MCTP1: variants seen among roughly 807,000 people sequenced by gnomAD.
MCTP1 encodes the protein multiple C2 and transmembrane domain-containing protein 1.
In MCTP1, 69 loss-of-function variants were observed where a neutral mutation model predicts 120.6. The ratio of observed to expected loss-of-function variants is 0.57; its 90% confidence interval spans 0.47 to 0.70. The LOEUF (loss-of-function observed/expected upper bound fraction) is 0.70, where lower values mean the gene tolerates loss of function less well. Ranked by LOEUF, MCTP1 falls within the 30% of genes least tolerant of loss-of-function variation. MCTP1 has a pLI of 0.00. For synonymous variants in MCTP1, 529 were observed against 493.1 expected (o/e 1.07, Z -0.96); for missense variants, 1,203 against 1,248.8 (o/e 0.96, Z 0.55).
chr5:94,924,091 CAAAT>C lies in MCTP1; in HGVS notation c.1213-74_1213-71del, dbSNP rs1445129321. The C allele has an allele frequency of 3.8e-5, 34 of 890,298 alleles. No homozygotes were observed. In the South Asian group the frequency reaches 6.9e-4, roughly 18 times the overall value. 55.1% of individuals were successfully genotyped at this position (890,298 alleles called of 1,614,324 possible). On this transcript the variant is annotated intron_variant, in intron 6 of 22. Coordinates refer to ENST00000515393, the MANE Select transcript of MCTP1 (RefSeq NM_024717.7). ...GAATAATTAATATTGTAAATACAAA[CAAAT>C]AAAATCAAAGCAAATAAAAAATCGA...
intron 17 of MCTP1, among the ~76,000 whole-genome samples, chr5:94,863,085 T>A (rs1474677300): frequency 3.3e-5 from 5 of 151,830 alleles, no homozygotes; most frequent in Non-Finnish European, 7.4e-5. Flanking sequence ...TTGGAAGTAT[T>A]GTTTAGTAAG....
intron 1 of MCTP1, among the ~76,000 whole-genome samples, chr5:95,188,717 T>C (rs771295395): frequency 1.3e-5 from 2 of 152,138 alleles, no homozygotes; most frequent in Non-Finnish European, 2.9e-5. Context: ...TAAAGGGCAA[T>C]GCGGGAGATC....
intron 19 of MCTP1, among the ~76,000 whole-genome samples, chr5:94,774,532 C>T (rs563246763): frequency 9.9e-5 from 15 of 152,244 alleles, no homozygotes; most frequent in African/African-American, 2.2e-4. Context: ...TCTATCAATA[C>T]CCTGAATGAG....
chr5:94,844,961 A>G (rs181886552), intron 17 of MCTP1, among the ~76,000 whole-genome samples: 2 of 152,332 alleles, frequency 1.3e-5, no homozygotes, highest in East Asian at 3.9e-4. Context: ...GCACAAAAAC[A>G]AAAATTGACA....
chr5:94,929,069 C>G (rs190102968), intron 6 of MCTP1, among the ~76,000 whole-genome samples: 7 of 152,254 alleles, frequency 4.6e-5, no homozygotes, highest in African/African-American at 1.7e-4. Context: ...CGAGTAGATG[C>G]TTAAGGAACA....
chr5:95,030,586 C>T (rs1840103580), intron 1 of MCTP1, among the ~76,000 whole-genome samples: 1 of 152,178 alleles, frequency 6.6e-6, no homozygotes, highest in African/African-American at 2.4e-5. Context: ...AGCCTTAGCC[C>T]TCTGCAAGTA....
chr5:95,189,490 G>T (rs781222036), intron 1 of MCTP1, among the ~76,000 whole-genome samples: 18 of 152,302 alleles, frequency 1.2e-4, no homozygotes, highest in Non-Finnish European at 2.1e-4. Flanking sequence ...CGGTATGGTT[G>T]TAAGACAGAG....
At chr5:95,033,599 T>C (rs1840687697) in intron 1 of MCTP1, among the ~76,000 whole-genome samples, 1 of 152,076 alleles carries the variant, frequency 6.6e-6, no homozygotes, top group Middle Eastern at 3.2e-3. Flanking sequence ...AACAAATTTA[T>C]GACAAACCCA....
At chr5:95,247,794 G>A (rs1270477692) in intron 1 of MCTP1, among the ~76,000 whole-genome samples, 1 of 152,158 alleles carries the variant, frequency 6.6e-6, no homozygotes, top group Non-Finnish European at 1.5e-5. Context: ...ATTTGCTGAG[G>A]AGTGTTTTAC....
intron 19 of MCTP1, among the ~76,000 whole-genome samples, chr5:94,732,394 T>C (rs1763290859): frequency 6.6e-6 from 1 of 151,874 alleles, no homozygotes; most frequent in African/African-American, 2.4e-5. Context: ...CCCAAGACAA[T>C]TTTTCTTCCA....
At position 95,056,864 on chromosome 5, in the gene MCTP1, TACACAC is replaced by T. The variant is rs139734500; in HGVS notation, c.721-39386_721-39381del. ...AAAAGAATGAACTCCTTCATCCCAA[TACACAC>T]ACACACACAAACACACGCAAATACA... On this transcript the variant is annotated intron_variant, in intron 1 of 22. Transcript: ENST00000515393. 2.0e-5 allele frequency among the ~76,000 whole-genome samples: 3 copies of T among 151,446 alleles called. No homozygotes were observed. The East Asian group carries it at 5.8e-4, about 29-fold the overall frequency.
At chr5:94,852,031 G>T (rs1793843910) in intron 17 of MCTP1, among the ~76,000 whole-genome samples, 1 of 151,746 alleles carries the variant, frequency 6.6e-6, no homozygotes, top group Admixed American at 6.6e-5. Flanking sequence ...CTTTTTCATA[G>T]AAATGGTTCT....
At chr5:94,756,167 CT>C (rs1769806993) in intron 19 of MCTP1, among the ~76,000 whole-genome samples, 1 of 152,178 alleles carries the variant, frequency 6.6e-6, no homozygotes, top group African/African-American at 2.4e-5. Flanking sequence ...TACAACAACC[CT>C]ATGAGGTTGG....
intron 1 of MCTP1, among the ~76,000 whole-genome samples, chr5:95,199,048 A>G (rs1750706511): frequency 6.6e-6 from 1 of 152,186 alleles, no homozygotes; most frequent in South Asian, 2.1e-4. Context: ...TTTTTCTCTT[A>G]TAGTTTTTGA....
In MCTP1 at chr5:94,868,345, G is replaced by C. The variant is rs546043541; in HGVS notation, c.2424C>G (p.Leu808=). 6 of 1,598,948 alleles carry C rather than the reference G, an allele frequency of 3.8e-6. No homozygotes were observed. The Admixed American group carries it at 8.7e-5, about 23-fold the overall frequency. The change falls in exon 17 of 23, where the codon CTC becomes CTG. Residue 808 remains leucine, a synonymous_variant. Transcript: ENST00000515393. ...AGTATGATCATACCACAAAAGCAGC[G>C]AGACTCCTTGGGGGTGAATCCCAAT... ...CFDWDSPPRS[L]AAFVLFLFVV...
At chr5:94,953,590 C>T (rs1821187241) in intron 2 of MCTP1, among the ~76,000 whole-genome samples, 2 of 150,932 alleles carry the variant, frequency 1.3e-5, no homozygotes, top group South Asian at 4.2e-4. Context: ...GTAACCTTGT[C>T]CTGGCAGTTA....
chr5:95,086,244 G>A (rs1030603380), intron 1 of MCTP1, among the ~76,000 whole-genome samples: 3 of 151,958 alleles, frequency 2.0e-5, no homozygotes, highest in Non-Finnish European at 4.4e-5. Context: ...ACAGGGTATC[G>A]GCTATGTACC....
chr5:95,012,274 G>A (rs1342603563), intron 2 of MCTP1, among the ~76,000 whole-genome samples: 7 of 152,196 alleles, frequency 4.6e-5, no homozygotes, highest in South Asian at 4.2e-4. Context: ...CTCCAACAAT[G>A]AGAATCATGA....
chr5:94,787,470 C>G (rs1777966736), intron 18 of MCTP1, among the ~76,000 whole-genome samples: 1 of 152,048 alleles, frequency 6.6e-6, no homozygotes, highest in Non-Finnish European at 1.5e-5. Flanking sequence ...AAATGACTCA[C>G]GGCCATGAAA....
Sources: gnomAD v4.1 joint callset for allele counts (sites outside exome capture counted in the v4.1 genomes callset) on GRCh38, gnomAD v4.1.1 for gene constraint, MANE v1.5 for transcripts, NCBI Gene and HGNC (gene_info 2026-07-23, HGNC 2026-07-21) for gene names.